Variants in PITPNB observed in about 807,000 individuals in gnomAD.
PITPNB encodes phosphatidylinositol transfer protein beta isoform.
Under a neutral mutation model 45.9 loss-of-function variants are expected in PITPNB, and 16 were observed. That is an observed-to-expected ratio of 0.35 (90% CI 0.24 to 0.53). The LOEUF (loss-of-function observed/expected upper bound fraction) is 0.53, where lower values mean the gene tolerates loss of function less well. Among genes scored for constraint, PITPNB ranks in the 20% least tolerant of loss-of-function variants. The pLI, the probability that PITPNB is intolerant of heterozygous loss-of-function variation, is 0.93. For synonymous variants in PITPNB, 112 were observed against 108.9 expected (o/e 1.03, Z -0.18); for missense variants, 188 against 330.5 (o/e 0.57, Z 3.34).
intron 11 of PITPNB, among the ~76,000 whole-genome samples, chr22:27,854,014 A>G (rs1934102219): frequency 6.6e-6 from 1 of 152,034 alleles, no homozygotes; most frequent in Non-Finnish European, 1.5e-5. Flanking sequence ...CTTATTTGGC[A>G]CAACTAGCTT....
chr22:27,911,641 TTAG>T (rs1276910442), intron 2 of PITPNB, among the ~76,000 whole-genome samples: 1 of 152,156 alleles, frequency 6.6e-6, no homozygotes, highest in East Asian at 1.9e-4. Flanking sequence ...AGTCCAAATC[TTAG>T]TAGACTTCTG....
chr22:27,886,738 G>A (rs1400223748), intron 7 of PITPNB, among the ~76,000 whole-genome samples: 1 of 152,198 alleles, frequency 6.6e-6, no homozygotes, highest in East Asian at 1.9e-4. Flanking sequence ...GCCCCCACCA[G>A]GTGGAGTTTC....
At chr22:27,880,188 T>C (rs1934929269) in intron 7 of PITPNB, among the ~76,000 whole-genome samples, 1 of 152,176 alleles carries the variant, frequency 6.6e-6, no homozygotes, top group African/African-American at 2.4e-5. Context: ...AGGACTCAGA[T>C]GCTGCCCTGT....
At chr22:27,865,238 G>A (rs1233824409) in intron 8 of PITPNB, among the ~76,000 whole-genome samples, 4 of 151,870 alleles carry the variant, frequency 2.6e-5, no homozygotes, top group South Asian at 2.1e-4. Flanking sequence ...GAGTATTTTC[G>A]GACAAAGACC....
chr22:27,897,481 C>T (rs1935468973), intron 4 of PITPNB, among the ~76,000 whole-genome samples: 1 of 152,184 alleles, frequency 6.6e-6, no homozygotes, highest in South Asian at 2.1e-4. Context: ...TATTATGTAG[C>T]AATTTAAGTA....
intron 3 of PITPNB, chr22:27,910,605 G>C (rs1400598661): frequency 5.7e-6 from 1 of 174,412 alleles, no homozygotes; most frequent in Non-Finnish European, 1.2e-5. Context: ...TCCATTTGTT[G>C]TAGAAAACTA....
intron 3 of PITPNB, among the ~76,000 whole-genome samples, chr22:27,904,286 G>A (rs1389862939): frequency 1.3e-5 from 2 of 152,168 alleles, no homozygotes; most frequent in East Asian, 3.8e-4. Flanking sequence ...CTATACAATG[G>A]AATATTACTC....
intron 8 of PITPNB, among the ~76,000 whole-genome samples, chr22:27,871,404 G>T (rs1220634471): frequency 6.6e-6 from 1 of 152,072 alleles, no homozygotes; most frequent in African/African-American, 2.4e-5. Flanking sequence ...TTCACCTCTG[G>T]GTCTCAACCT....
intron 3 of PITPNB, among the ~76,000 whole-genome samples, chr22:27,899,632 C>A (rs1222922624): frequency 6.6e-6 from 1 of 152,112 alleles, no homozygotes; most frequent in African/African-American, 2.4e-5. Context: ...CTGATCACTT[C>A]TTTTCAAATG....
rs531214357 is a variant in PITPNB at position 27,914,686 on chromosome 22, G to C, written c.21-339C>G. On this transcript the variant is annotated intron_variant, in intron 1 of 11. Coordinates refer to ENST00000335272, the MANE Select transcript of PITPNB (RefSeq NM_012399.5). ...TATTATTTGCAGATTGTCTGGTCAG[G>C]TTGCCCTGACTAAATTTTTAGTATG... Among the ~76,000 whole-genome samples the C allele has an allele frequency of 7.2e-5, 11 of 152,316 alleles. No homozygotes were observed. In the South Asian group the frequency reaches 1.4e-3, roughly 20 times the overall value.
intron 7 of PITPNB, among the ~76,000 whole-genome samples, chr22:27,881,328 G>A (rs1934965845): frequency 6.6e-6 from 1 of 152,188 alleles, no homozygotes; most frequent in Non-Finnish European, 1.5e-5. Flanking sequence ...GTTCAGGAAA[G>A]CTACTATCAC....
Position 27,907,998 on chromosome 22 carries a change from ATCT to A in PITPNB, c.197+2963_197+2965del, listed in dbSNP as rs764590470. Among the ~76,000 whole-genome samples the A allele has an allele frequency of 5.3e-5, 8 of 151,970 alleles. No individual in the cohort carries two copies. The East Asian group carries it at 1.6e-3, about 30-fold the overall frequency. ...GGAAGGTTGGCCACCGAGAGCCAAA[ATCT>A]TCTTTTATTTAACCACTGAAAGCCT... On this transcript the variant is annotated intron_variant, in intron 3 of 11. Coordinates refer to ENST00000335272, the MANE Select transcript of PITPNB (RefSeq NM_012399.5).
chr22:27,908,225 T>C (rs1935819555), intron 3 of PITPNB, among the ~76,000 whole-genome samples: 1 of 148,920 alleles, frequency 6.7e-6, no homozygotes, highest in Admixed American at 6.6e-5. Flanking sequence ...AAGAGAATAT[T>C]TATCACCTGG....
At chr22:27,912,906 C>T (rs1170918598) in intron 2 of PITPNB, among the ~76,000 whole-genome samples, 2 of 149,344 alleles carry the variant, frequency 1.3e-5, no homozygotes, top group African/African-American at 5.0e-5. Context: ...TTGCTTGAAC[C>T]CAGGAGGCGG....
intron 7 of PITPNB, among the ~76,000 whole-genome samples, chr22:27,874,861 T>C (rs933944576): frequency 6.6e-6 from 1 of 152,132 alleles, no homozygotes; most frequent in African/African-American, 2.4e-5. Flanking sequence ...CCATACTTAG[T>C]GAAAAATGCC....
Position 27,854,990 on chromosome 22 carries a change from G to A in PITPNB, c.769-51C>T, listed in dbSNP as rs956708880. 3.7e-5 allele frequency: 47 copies of A among 1,281,562 alleles called. No individual in the cohort carries two copies. In the African/African-American group the frequency reaches 6.7e-4, roughly 18 times the overall value. 79.4% of individuals were successfully genotyped at this position (1,281,562 alleles called of 1,614,324 possible). On this transcript the variant is annotated intron_variant, in intron 10 of 11. Coordinates refer to ENST00000335272, the MANE Select transcript of PITPNB (RefSeq NM_012399.5). ...TGCTGAAATCAGACTCTAAATAGGG[G>A]TTAGTAAGCAAGGGGAGAAAAAAGA...
chr22:27,916,575 C>T (rs375711753), intron 1 of PITPNB, among the ~76,000 whole-genome samples: 3 of 152,064 alleles, frequency 2.0e-5, no homozygotes, highest in Admixed American at 6.5e-5. Context: ...ACTTAGTGGG[C>T]GGATCACCTG....
rs542231322 is a variant in PITPNB at position 27,869,731 on chromosome 22, A to G, written c.534+4007T>C. ...AAGCATTATAACAATAACGGTTAAC[A>G]TTGATTGTGCACTTCTTCTGTGCTG... On this transcript the variant is annotated intron_variant, in intron 8 of 11. Transcript: ENST00000335272. Among the ~76,000 whole-genome samples the G allele has an allele frequency of 7.9e-5, 12 of 152,312 alleles. No homozygotes were observed. The East Asian group carries it at 2.1e-3, about 27-fold the overall frequency.
intron 7 of PITPNB, among the ~76,000 whole-genome samples, chr22:27,880,307 G>A (rs1012361964): frequency 6.6e-6 from 1 of 152,104 alleles, no homozygotes; most frequent in African/African-American, 2.4e-5. Context: ...TCAGCCTAGG[G>A]AGCCTTCCTT....
Sources: gnomAD v4.1 joint callset for allele counts (sites outside exome capture counted in the v4.1 genomes callset) on GRCh38, gnomAD v4.1.1 for gene constraint, MANE v1.5 for transcripts, NCBI Gene and HGNC (gene_info 2026-07-23, HGNC 2026-07-21) for gene names.